The following KAZN variants were observed in gnomAD, a reference collection of about 807,000 sequenced individuals.
KAZN encodes the protein kazrin.
KAZN carries 40 observed loss-of-function variants against 87.4 expected under a neutral mutation model. That is an observed-to-expected ratio of 0.46 (90% CI 0.36 to 0.60). KAZN has a LOEUF of 0.60. Among genes scored for constraint, KAZN ranks in the 20% least tolerant of loss-of-function variants. The pLI, the probability that KAZN is intolerant of heterozygous loss-of-function variation, is 0.00. For synonymous variants in KAZN, 466 were observed against 458.3 expected, an observed-to-expected ratio of 1.02 and a Z score of -0.22; for missense variants, 898 against 1,073.9, an observed-to-expected ratio of 0.84 and a Z score of 2.29.
intron 2 of KAZN, among the ~76,000 whole-genome samples, chr1:14,180,800 C>T (rs1306897975): frequency 1.3e-5 from 2 of 152,118 alleles, no homozygotes; most frequent in Admixed American, 6.6e-5. Flanking sequence ...CAAAGTAATA[C>T]AGCTTAAGAA....
intron 1 of KAZN, among the ~76,000 whole-genome samples, chr1:14,660,541 CT>C (rs1156503750): frequency 0.045 from 3,443 of 76,106 alleles, 16 homozygotes; most frequent in Admixed American, 0.12. Context: ...CTCTCTCTCT[CT>C]TTTTTTTTTT....
intron 2 of KAZN, among the ~76,000 whole-genome samples, chr1:14,280,234 C>G (rs1172323650): frequency 6.6e-6 from 1 of 151,696 alleles, no homozygotes; most frequent in Non-Finnish European, 1.5e-5. Flanking sequence ...TGATGGCACA[C>G]CCCTGTAGTC....
intron 1 of KAZN, among the ~76,000 whole-genome samples, chr1:14,905,729 G>T (rs181547387): frequency 6.9e-6 from 1 of 145,636 alleles, no homozygotes; most frequent in African/African-American, 2.5e-5. Flanking sequence ...CTGTAATCCC[G>T]GCTACTCGGG....
At chr1:14,961,599 C>T (rs1663875955) in intron 2 of KAZN, among the ~76,000 whole-genome samples, 1 of 152,114 alleles carries the variant, frequency 6.6e-6, no homozygotes, top group Non-Finnish European at 1.5e-5. Context: ...TCAGTGGACT[C>T]CACAGTGCTT....
At chr1:14,126,681 T>C (rs2884839) in intron 1 of KAZN, among the ~76,000 whole-genome samples, 86,657 of 151,766 alleles carry the variant, frequency 0.57, 25,982 homozygotes, top group East Asian at 0.76. Flanking sequence ...ATTTCCCCAA[T>C]GTCACACAGC....
chr1:13,923,034 A>C (rs1640122996), intron 1 of KAZN, among the ~76,000 whole-genome samples: 1 of 152,136 alleles, frequency 6.6e-6, no homozygotes, highest in South Asian at 2.1e-4. Context: ...TCAAGCTGGA[A>C]CATAGAGTTG....
chr1:14,117,060 G>A (rs1391150087), intron 1 of KAZN, among the ~76,000 whole-genome samples: 2 of 152,212 alleles, frequency 1.3e-5, no homozygotes, highest in Admixed American at 1.3e-4. Context: ...ACTCATAGGT[G>A]CAAGGGACTT....
At chr1:14,084,305 C>T (rs187160726) in intron 1 of KAZN, among the ~76,000 whole-genome samples, 1 of 152,214 alleles carries the variant, frequency 6.6e-6, no homozygotes, top group East Asian at 1.9e-4. Context: ...GGAAGAAGTC[C>T]AGGTGGTAGG....
intron 1 of KAZN, among the ~76,000 whole-genome samples, chr1:14,023,196 G>A (rs940783789): frequency 1.3e-5 from 2 of 152,078 alleles, no homozygotes; most frequent in African/African-American, 2.4e-5. Context: ...GTTGGCATGC[G>A]CCTGTAGACT....
intron 2 of KAZN, among the ~76,000 whole-genome samples, chr1:14,220,187 G>A (rs1356567102): frequency 6.6e-6 from 1 of 152,080 alleles, no homozygotes; most frequent in Non-Finnish European, 1.5e-5. Context: ...TAACATGGAA[G>A]TATCTACGAC....
At chr1:14,609,979 A>G (rs1158894128) in intron 1 of KAZN, among the ~76,000 whole-genome samples, 1 of 152,224 alleles carries the variant, frequency 6.6e-6, no homozygotes, top group African/African-American at 2.4e-5. Flanking sequence ...TCGCTGGGCC[A>G]CGCCCTCTTG....
intron 1 of KAZN, among the ~76,000 whole-genome samples, chr1:14,752,360 G>T (rs1389565176): frequency 6.6e-6 from 1 of 152,148 alleles, no homozygotes; most frequent in Non-Finnish European, 1.5e-5. Context: ...AAGGAAACAG[G>T]CCCCAAGAGG....
intron 1 of KAZN, among the ~76,000 whole-genome samples, chr1:14,858,214 C>CTTTTT (rs71000342): frequency 6.0e-5 from 7 of 117,044 alleles, no homozygotes; most frequent in Admixed American, 9.1e-5. Flanking sequence ...TTTTTCTTTT[C>CTTTTT]TTTTTTTTTT....
intron 1 of KAZN, among the ~76,000 whole-genome samples, chr1:14,936,666 A>C (rs1660494834): frequency 6.6e-6 from 1 of 152,070 alleles, no homozygotes; most frequent in African/African-American, 2.4e-5. Flanking sequence ...CCAGGCCCCC[A>C]CTGGGCGCCT....
At chr1:14,282,307 C>T (rs767137779) in intron 2 of KAZN, among the ~76,000 whole-genome samples, 14 of 152,184 alleles carry the variant, frequency 9.2e-5, no homozygotes, top group Non-Finnish European at 1.6e-4. Flanking sequence ...AAAATTACCA[C>T]TGTCATTACA....
intron 2 of KAZN, among the ~76,000 whole-genome samples, chr1:14,501,714 C>T (rs956646940): frequency 2.0e-5 from 3 of 152,168 alleles, no homozygotes; most frequent in African/African-American, 7.2e-5. Context: ...AATGGCAATA[C>T]TCCCCAAAGT....
intron 1 of KAZN, among the ~76,000 whole-genome samples, chr1:14,666,793 A>G (rs1036638149): frequency 2.6e-5 from 4 of 152,098 alleles, no homozygotes; most frequent in Non-Finnish European, 4.4e-5. Context: ...GCTGGAGTGC[A>G]GTGGCATGGT....
intron 1 of KAZN, among the ~76,000 whole-genome samples, chr1:13,894,187 C>G (rs996283401): frequency 1.3e-5 from 2 of 152,152 alleles, no homozygotes; most frequent in Non-Finnish European, 1.5e-5. Context: ...CTATGCCCCC[C>G]CAGCCCCTGC....
chr1:14,498,341 G>A (rs1164325398), intron 2 of KAZN, among the ~76,000 whole-genome samples: 1 of 152,196 alleles, frequency 6.6e-6, no homozygotes, highest in African/African-American at 2.4e-5. Context: ...TGTGCCCCAG[G>A]GTGAAGCCAC....
Sources: gnomAD v4.1 joint callset for allele counts (sites outside exome capture counted in the v4.1 genomes callset) on GRCh38, gnomAD v4.1.1 for gene constraint, MANE v1.5 for transcripts, NCBI Gene and HGNC (gene_info 2026-07-23, HGNC 2026-07-21) for gene names.